Variants in ATP13A5 observed in about 807,000 individuals in gnomAD.
ATP13A5 encodes ATPase 13A5.
A neutral mutation model predicts 150.2 loss-of-function variants in ATP13A5; 149 were observed. The observed-to-expected ratio is 0.99, with a 90% CI of 0.87 to 1.14. The LOEUF (loss-of-function observed/expected upper bound fraction) is 1.14. Among genes scored for constraint, ATP13A5 ranks in the 50% most tolerant of loss-of-function variants. The pLI, the probability that ATP13A5 is intolerant of heterozygous loss-of-function variation, is 0.00. For missense variants in ATP13A5, 1,383 were observed against 1,449.3 expected, an observed-to-expected ratio of 0.95 and a Z score of 0.74; for synonymous variants, 497 against 522.2, an observed-to-expected ratio of 0.95 and a Z score of 0.66.
chr3:193,315,868 A>ATG (rs61384719), intron 17 of ATP13A5, among the ~76,000 whole-genome samples: 20 of 151,064 alleles, frequency 1.3e-4, no homozygotes, highest in South Asian at 2.1e-4. Flanking sequence ...ACCCTGTTTT[A>ATG]TGTGTGTGTG....
chr3:193,332,729 CA>C (rs939940500), intron 11 of ATP13A5, among the ~76,000 whole-genome samples: 5 of 152,110 alleles, frequency 3.3e-5, no homozygotes, highest in African/African-American at 1.2e-4. Context: ...TGAACCAGTG[CA>C]GATAGAGGCA....
intron 18 of ATP13A5, chr3:193,314,460 C>G (rs1718971422): frequency 2.5e-6 from 1 of 395,774 alleles, no homozygotes; most frequent in Non-Finnish European, 4.6e-6. Flanking sequence ...CATTTATGAC[C>G]AATCCTCAGA....
chr3:193,307,231 G>C, intron 22 of ATP13A5, 96 bp downstream of exon 22: 1 of 1,597,166 alleles, frequency 6.3e-7, no homozygotes, highest in Non-Finnish European at 8.5e-7. Context: ...AATGGTTGCT[G>C]GTGGAAGGAT....
At chr3:193,318,080 A>C (rs1046223901) in intron 17 of ATP13A5, among the ~76,000 whole-genome samples, 1 of 152,246 alleles carries the variant, frequency 6.6e-6, no homozygotes, top group East Asian at 1.9e-4. Flanking sequence ...TTCAAGTATT[A>C]AAATGTCATG....
rs1052159382 is a variant in ATP13A5, at chr3:193,363,122, C to A, written c.384+114G>T. On this transcript the variant is annotated intron_variant, in intron 3 of 29. Transcript: ENST00000342358. Reference sequence around the variant, plus strand: ...CCAGCCAGTCTCACTTTCTTTGATACATAGCTGTCATTCCCATTCCAAAAG... The same window carrying A: ...CCAGCCAGTCTCACTTTCTTTGATAAATAGCTGTCATTCCCATTCCAAAAG... The A allele has an allele frequency of 4.4e-5, 56 of 1,279,346 alleles. 1 individual carries two copies. The South Asian group carries it at 8.2e-4, about 19-fold the overall frequency. The allele number at this position is 1,279,346 out of a possible 1,614,324, so 79.2% of individuals were successfully genotyped here.
chr3:193,341,975 C>T (rs951462798), intron 9 of ATP13A5, among the ~76,000 whole-genome samples: 3 of 152,150 alleles, frequency 2.0e-5, no homozygotes, highest in Admixed American at 2.0e-4. Flanking sequence ...TTATCTTTCT[C>T]ACGCCTATGG....
chr3:193,372,893 T>C (rs1235908060), intron 1 of ATP13A5, among the ~76,000 whole-genome samples: 1 of 152,214 alleles, frequency 6.6e-6, no homozygotes, highest in Non-Finnish European at 1.5e-5. Flanking sequence ...TCTTCCCTTA[T>C]AGCTAGGTGT....
In ATP13A5 at chr3:193,289,890, T is replaced by C. The variant is rs1403410242; in HGVS notation, c.3018A>G (p.Gln1006=). The change falls in exon 26 of 30, where the codon CAA becomes CAG. Residue 1006 remains glutamine (Q), a synonymous_variant. Coordinates refer to ENST00000342358, the MANE Select transcript of ATP13A5 (RefSeq NM_198505.4). ...CACTAAGAAAATGAACTTACCTGTA[T>C]TGGTAGACCTCACAATACCAAGGCT... ...KQQPWYCEVY[Q]YSECFLANQS... is the part of the protein sequence containing the mutation. The C allele has an allele frequency of 6.2e-7, 1 of 1,600,916 alleles. No individual in the cohort carries two copies. The highest frequency in any genetic ancestry group is 8.5e-7 in the Non-Finnish European group (1 of 1,175,040).
intron 27 of ATP13A5, among the ~76,000 whole-genome samples, chr3:193,284,297 T>A (rs918527666): frequency 9.9e-5 from 15 of 152,198 alleles, no homozygotes; most frequent in African/African-American, 3.6e-4. Context: ...AGTGCTGGGA[T>A]TACAGGAGTG....
chr3:193,349,663 A>T (rs571893948), intron 7 of ATP13A5, among the ~76,000 whole-genome samples: 6 of 152,268 alleles, frequency 3.9e-5, no homozygotes, highest in African/African-American at 1.4e-4. Context: ...TCTCACCAGC[A>T]ATCAGGAAAA....
chr3:193,344,952 A>G (rs1560143190), intron 8 of ATP13A5, 51 bp downstream of exon 8: 2 of 1,496,220 alleles, frequency 1.3e-6, no homozygotes, highest in Non-Finnish European at 1.9e-6. Flanking sequence ...AATGAGACCA[A>G]TTCCCCCCTG....
At chr3:193,361,927 G>A (rs1236663233) in intron 5 of ATP13A5, among the ~76,000 whole-genome samples, 1 of 152,088 alleles carries the variant, frequency 6.6e-6, no homozygotes, top group East Asian at 1.9e-4. Context: ...CAAAGAATCA[G>A]GCACTGTTCT....
intron 1 of ATP13A5, among the ~76,000 whole-genome samples, chr3:193,373,679 G>A (rs976589113): frequency 1.3e-5 from 2 of 151,972 alleles, no homozygotes; most frequent in African/African-American, 4.8e-5. Context: ...TATCTCGCAT[G>A]TGGCCCTCAC....
rs376804888 is a variant in ATP13A5 at position 193,363,311 on chromosome 3, G to C, written c.309C>G (p.Ser103Arg). ...LYLSTLKFPV[S>R]KKWEESLVAD... ...CCACCAGGGATTCTTCCCACTTCTTGCTTACAGGAAACTTCAGTGTGGATA... is the reference window on the plus strand; with the variant it reads ...CCACCAGGGATTCTTCCCACTTCTTCCTTACAGGAAACTTCAGTGTGGATA... The change falls in exon 3 of 30, where the codon AGC (serine) becomes AGG (arginine). Residue 103 changes from serine to arginine, a missense_variant. Ser to Arg is a moderately radical substitution (Grantham distance 110). Coordinates refer to ENST00000342358, the MANE Select transcript of ATP13A5 (RefSeq NM_198505.4). 8.7e-6 allele frequency: 14 copies of C among 1,613,866 alleles called. No homozygotes were observed. Among genetic ancestry groups the C allele is most frequent in the Non-Finnish European group, 1.1e-5 (13 of 1,179,812 alleles).
chr3:193,372,372 G>A (rs1237608395), intron 1 of ATP13A5: 2 of 143,034 alleles, frequency 1.4e-5, no homozygotes, highest in African/African-American at 2.6e-5. Context: ...CCCTACTTTT[G>A]TTCTCCACAG....
Position 193,310,657 on chromosome 3 carries a change from C to T in ATP13A5, c.2506G>A (p.Glu836Lys). The T allele has an allele frequency of 6.2e-7, 1 of 1,606,864 alleles. No individual in the cohort carries two copies. The highest frequency in any genetic ancestry group is 8.5e-7 in the Non-Finnish European group (1 of 1,178,138). The stretch of plus-strand genomic sequence containing the variant: ...ACCTACTTTAATTTCTGAAATTCTT[C>T]AATAAGGCTTGATTTCTGCCCAGGA... ...MSPGQKSSLI[E>K]EFQKLNYYVG... Residue 836 changes from glutamate (E) to lysine (K), a missense_variant, in exon 21 of 30, where the codon GAA becomes AAA. By Grantham distance (56) the Glu-to-Lys change is moderately conservative. Around this residue, in one of 3 missense-constraint regions of ATP13A5, gnomAD observed 568 missense variants for 621.5 expected, o/e 0.91. Coordinates refer to ENST00000342358, the MANE Select transcript of ATP13A5 (RefSeq NM_198505.4).
At chr3:193,298,049 A>C (rs956724685) in intron 25 of ATP13A5, among the ~76,000 whole-genome samples, 1 of 152,076 alleles carries the variant, frequency 6.6e-6, no homozygotes, top group Admixed American at 6.6e-5. Context: ...TGCACACTTC[A>C]CCAGCATCAT....
intron 27 of ATP13A5, among the ~76,000 whole-genome samples, chr3:193,280,201 C>T (rs1717421664): frequency 6.6e-6 from 1 of 152,042 alleles, no homozygotes; most frequent in Non-Finnish European, 1.5e-5. Flanking sequence ...CAGGCGCCCA[C>T]CACCATGCAT....
In ATP13A5 at chr3:193,274,969, C is replaced by T. The variant is rs761842345; in HGVS notation, c.*73G>A. ...GAGAGGAAAGGTAAGGGGAGAGTAT[C>T]ATCACTTCTCCACAATGTGTTAATT... On this transcript the variant is annotated 3_prime_UTR_variant, in exon 30 of 30. Coordinates refer to ENST00000342358, the MANE Select transcript of ATP13A5 (RefSeq NM_198505.4). 6.4e-7 allele frequency: 1 copy of T among 1,551,696 alleles called. No homozygotes were observed. The highest frequency in any genetic ancestry group is 8.8e-7 in the Non-Finnish European group (1 of 1,137,904).
Sources: gnomAD v4.1 joint callset for allele counts (sites outside exome capture counted in the v4.1 genomes callset) on GRCh38, gnomAD v4.1.1 for gene constraint, gnomAD v4.1.1 regional missense constraint, MANE v1.5 for transcripts, NCBI Gene and HGNC (gene_info 2026-07-23, HGNC 2026-07-21) for gene names.